The following GRM5 variants were observed in gnomAD, a reference collection of about 807,000 sequenced individuals.
GRM5 encodes metabotropic glutamate receptor 5.
Under a neutral mutation model 83.1 loss-of-function variants are expected in GRM5, and 19 were observed. The observed-to-expected ratio is 0.23, with a 90% CI of 0.16 to 0.34. The LOEUF (loss-of-function observed/expected upper bound fraction) is 0.34. Ranked by LOEUF, GRM5 falls within the 10% of genes least tolerant of loss-of-function variation. The pLI, the probability that GRM5 is intolerant of heterozygous loss-of-function variation, is 1.00. For missense variants in GRM5, 1,160 were observed against 1,588.3 expected (o/e 0.73, Z 4.58); for synonymous variants, 675 against 633.6 (o/e 1.07, Z -0.98).
rs146065943 is a variant in GRM5 at position 88,768,170 on chromosome 11, G to A, written c.911+81736C>T. ...TGTTCAAAGTGTATTATTTGCCACAGTTAAAATGTGAAAGCAACCCCAGTG... is the reference window on the plus strand; with the variant it reads ...TGTTCAAAGTGTATTATTTGCCACAATTAAAATGTGAAAGCAACCCCAGTG... On this transcript the variant is annotated intron_variant, in intron 3 of 9. Transcript: ENST00000305447. Among the ~76,000 whole-genome samples, 581 of 152,090 alleles carry A rather than the reference G, an allele frequency of 3.8e-3. 2 individuals are homozygous for A. Among genetic ancestry groups the A allele is most frequent in the Middle Eastern group, 0.034 (10 of 294 alleles).
chr11:88,666,961 C>A (rs1432625110), intron 3 of GRM5, among the ~76,000 whole-genome samples: 1 of 152,048 alleles, frequency 6.6e-6, no homozygotes, highest in Non-Finnish European at 1.5e-5. Context: ...TCAATGAAAT[C>A]AACCCCATCC....
chr11:88,608,514 ATTTTTTTTT>A (rs35701224), intron 4 of GRM5, among the ~76,000 whole-genome samples: 1 of 98,644 alleles, frequency 1.0e-5, no homozygotes, highest in Admixed American at 1.2e-4. Flanking sequence ...GAAAACAGGG[ATTTTTTTTT>A]TTTTTTTTTT....
intron 3 of GRM5, among the ~76,000 whole-genome samples, chr11:88,746,811 A>C (rs1942154967): frequency 6.6e-6 from 1 of 152,172 alleles, no homozygotes. Context: ...GTTGGGAATA[A>C]AGAAGTATGG....
At chr11:88,669,123 G>T (rs989056152) in intron 3 of GRM5, among the ~76,000 whole-genome samples, 1 of 152,102 alleles carries the variant, frequency 6.6e-6, no homozygotes, top group Non-Finnish European at 1.5e-5. Context: ...CAACAATCAA[G>T]ATGTAGATAC....
intron 3 of GRM5, among the ~76,000 whole-genome samples, chr11:88,706,408 G>T (rs1941159417): frequency 6.6e-6 from 1 of 152,110 alleles, no homozygotes; most frequent in African/African-American, 2.4e-5. Context: ...CTCCCTTAAA[G>T]CAGAGTAAAA....
intron 3 of GRM5, among the ~76,000 whole-genome samples, chr11:88,837,577 G>A (rs906850091): frequency 2.0e-5 from 3 of 152,158 alleles, no homozygotes; most frequent in African/African-American, 7.2e-5. Context: ...AGCGCACTTT[G>A]AGATGCAGAT....
chr11:88,875,940 C>T (rs543006911), intron 2 of GRM5, among the ~76,000 whole-genome samples: 1 of 152,124 alleles, frequency 6.6e-6, no homozygotes, highest in African/African-American at 2.4e-5. Context: ...TAGCATAGCT[C>T]TTAAGGGCCT....
At chr11:88,531,642 A>G (rs1942010501) in intron 8 of GRM5, among the ~76,000 whole-genome samples, 1 of 152,136 alleles carries the variant, frequency 6.6e-6, no homozygotes, top group African/African-American at 2.4e-5. Flanking sequence ...TTGGTTAAAA[A>G]TGAGTGGAGA....
intron 7 of GRM5, among the ~76,000 whole-genome samples, chr11:88,582,586 A>C (rs1036865087): frequency 2.6e-5 from 4 of 152,236 alleles, no homozygotes; most frequent in Non-Finnish European, 5.9e-5. Context: ...CAATATTAAC[A>C]AGAAATATTT....
In GRM5 at chr11:88,652,676, A is replaced by C. The variant is rs1456853790; in HGVS notation, c.1147+492T>G. 2.6e-5 allele frequency among the ~76,000 whole-genome samples: 4 copies of C among 152,052 alleles called. No individual in the cohort carries two copies. The South Asian group carries it at 8.3e-4, about 32-fold the overall frequency. The stretch of plus-strand genomic sequence containing the variant: ...TAGGTTACGTTTCCTGAAACATCAC[A>C]ATTTTATATAGCAAATCCCTGGTAC... On this transcript the variant is annotated intron_variant, in intron 4 of 9. Transcript: ENST00000305447.
chr11:88,646,555 A>G (rs942348208), intron 4 of GRM5, among the ~76,000 whole-genome samples: 7 of 151,932 alleles, frequency 4.6e-5, no homozygotes, highest in African/African-American at 1.7e-4. Context: ...AGCTTTATTT[A>G]TACAACAGCA....
chr11:88,914,516 G>C (rs879278186), intron 2 of GRM5, among the ~76,000 whole-genome samples: 1 of 152,132 alleles, frequency 6.6e-6, no homozygotes, highest in Non-Finnish European at 1.5e-5. Context: ...CAGAATCCAG[G>C]AGAGGCAGCA....
chr11:88,744,168 T>A (rs1942084768), intron 3 of GRM5, among the ~76,000 whole-genome samples: 1 of 152,166 alleles, frequency 6.6e-6, no homozygotes, highest in Non-Finnish European at 1.5e-5. Flanking sequence ...TGCGTCTTCT[T>A]TCAGTGGAAA....
At chr11:89,000,338 C>G (rs1266102799) in intron 2 of GRM5, among the ~76,000 whole-genome samples, 1 of 152,026 alleles carries the variant, frequency 6.6e-6, no homozygotes, top group Non-Finnish European at 1.5e-5. Flanking sequence ...TACAATAGTC[C>G]ACAATATGTT....
At chr11:89,063,230 T>G (rs1182899075) in intron 1 of GRM5, among the ~76,000 whole-genome samples, 4 of 152,244 alleles carry the variant, frequency 2.6e-5, no homozygotes, top group African/African-American at 4.8e-5. Flanking sequence ...TGCGAAGGCA[T>G]GCAGAATCTC....
chr11:88,737,891 G>C (rs1591478484), intron 3 of GRM5, among the ~76,000 whole-genome samples: 1 of 152,004 alleles, frequency 6.6e-6, no homozygotes, highest in African/African-American at 2.4e-5. Context: ...CTTTATGAGA[G>C]CAGTTATACA....
chr11:88,863,852 T>G (rs570740780), intron 2 of GRM5, among the ~76,000 whole-genome samples: 1 of 152,030 alleles, frequency 6.6e-6, no homozygotes, highest in South Asian at 2.1e-4. Context: ...CACTGGACTA[T>G]GCCAATAAAA....
rs188629670 is a variant in GRM5, at chr11:88,665,577, T to C, written c.912-12174A>G. Among the ~76,000 whole-genome samples, 353 of 152,288 alleles carry C rather than the reference T, an allele frequency of 2.3e-3. 3 individuals carry two copies. Among genetic ancestry groups the C allele is most frequent in the African/African-American group, 7.4e-3 (306 of 41,578 alleles). ...ATCAAAAATTACACTGGGATTCAGA[T>C]TAAGTTTTAGAAATAATCATTGTAC... On this transcript the variant is annotated intron_variant, in intron 3 of 9. Coordinates refer to ENST00000305447, the MANE Select transcript of GRM5 (RefSeq NM_001143831.3).
At chr11:88,729,120 A>G (rs1350913824) in intron 3 of GRM5, among the ~76,000 whole-genome samples, 2 of 152,222 alleles carry the variant, frequency 1.3e-5, no homozygotes, top group Non-Finnish European at 1.5e-5. Flanking sequence ...GTCTTTTTAG[A>G]AAACCCCATC....
Sources: gnomAD v4.1 joint callset for allele counts (sites outside exome capture counted in the v4.1 genomes callset) on GRCh38, gnomAD v4.1.1 for gene constraint, MANE v1.5 for transcripts, NCBI Gene and HGNC (gene_info 2026-07-23, HGNC 2026-07-21) for gene names.